FHIT: variants seen among roughly 807,000 people sequenced by gnomAD.
FHIT encodes bis(5'-adenosyl)-triphosphatase.
FHIT carries 19 observed loss-of-function variants against 17.9 expected under a neutral mutation model. The ratio of observed to expected loss-of-function variants is 1.06; its 90% confidence interval spans 0.74 to 1.56. The LOEUF (loss-of-function observed/expected upper bound fraction) is 1.56. FHIT is among the 40% of genes most tolerant of loss of function. FHIT has a pLI of 0.00. For missense variants in FHIT, 248 were observed against 189.2 expected (o/e 1.31, Z -1.82); for synonymous variants, 81 against 69.7 (o/e 1.16, Z -0.81).
chr3:60,198,095 G>A (rs528853195), intron 5 of FHIT, among the ~76,000 whole-genome samples: 13 of 150,862 alleles, frequency 8.6e-5, no homozygotes, highest in Middle Eastern at 3.4e-3. Flanking sequence ...ATTGAGGAAC[G>A]TTTGGATGAC....
At chr3:60,584,216 C>A (rs916449832) in intron 4 of FHIT, among the ~76,000 whole-genome samples, 16 of 152,006 alleles carry the variant, frequency 1.1e-4, no homozygotes, top group African/African-American at 3.9e-4. Context: ...AGTTGATAAC[C>A]TGAAATTGGC....
chr3:60,403,733 A>AT (rs1175732172), intron 5 of FHIT, among the ~76,000 whole-genome samples: 6 of 152,064 alleles, frequency 3.9e-5, no homozygotes, highest in East Asian at 1.9e-4. Flanking sequence ...ATTAGATCAC[A>AT]TTTTTTGTCC....
intron 4 of FHIT, among the ~76,000 whole-genome samples, chr3:60,752,921 T>G (rs1289772065): frequency 6.6e-6 from 1 of 152,206 alleles, no homozygotes; most frequent in African/African-American, 2.4e-5. Context: ...TCTCTAGGTA[T>G]CCCGTTAGGC....
chr3:60,186,683 T>C (rs552381696), intron 5 of FHIT, among the ~76,000 whole-genome samples: 1 of 152,244 alleles, frequency 6.6e-6, no homozygotes, highest in East Asian at 1.9e-4. Flanking sequence ...TCATTAGCTC[T>C]AGTAACAAGG....
chr3:60,097,150 C>G (rs540939214), intron 5 of FHIT, among the ~76,000 whole-genome samples: 1 of 151,930 alleles, frequency 6.6e-6, no homozygotes, highest in Admixed American at 6.6e-5. Flanking sequence ...TTGGCCAGCA[C>G]CCCCAAATTT....
At chr3:60,389,346 T>A (rs574484229) in intron 5 of FHIT, among the ~76,000 whole-genome samples, 18 of 152,310 alleles carry the variant, frequency 1.2e-4, no homozygotes, top group African/African-American at 4.3e-4. Flanking sequence ...ACGGTGCCTT[T>A]GAACACTAAC....
intron 4 of FHIT, among the ~76,000 whole-genome samples, chr3:60,638,516 A>C (rs577143050): frequency 6.6e-6 from 1 of 152,254 alleles, no homozygotes; most frequent in South Asian, 2.1e-4. Flanking sequence ...TCACTTGGGG[A>C]ACTCTTAAAA....
chr3:60,388,459 G>C (rs9868816), intron 5 of FHIT, among the ~76,000 whole-genome samples: 45,084 of 151,872 alleles, frequency 0.3, 7,580 homozygotes, highest in Non-Finnish European at 0.38. Flanking sequence ...ACAATTAGCA[G>C]GGCCTGGTGG....
intron 5 of FHIT, among the ~76,000 whole-genome samples, chr3:60,426,290 T>C (rs1160789908): frequency 6.6e-6 from 1 of 152,112 alleles, no homozygotes; most frequent in African/African-American, 2.4e-5. Flanking sequence ...AAGTATTAAA[T>C]GGGCAAAATA....
rs1429878406 is a variant in FHIT, at chr3:60,860,718, T to C, written c.-110-38707A>G. Among the ~76,000 whole-genome samples, 3 of 108,910 alleles carry C rather than the reference T, an allele frequency of 2.8e-5. 1 individual carries two copies. The highest frequency in any genetic ancestry group is 9.8e-5 in the African/African-American group (3 of 30,690). The allele number at this position is 108,910 out of a possible 152,430, so 71.4% of individuals were successfully genotyped here. Reference sequence around the variant, plus strand: ...ATATATGTACATATGTACATATATATCAGGTATATATGTACATATGTTCAT... The same window carrying C: ...ATATATGTACATATGTACATATATACCAGGTATATATGTACATATGTTCAT... On this transcript the variant is annotated intron_variant, in intron 3 of 9. Transcript: ENST00000492590.
At chr3:60,981,380 C>T (rs1250649259) in intron 3 of FHIT, among the ~76,000 whole-genome samples, 1 of 148,724 alleles carries the variant, frequency 6.7e-6, no homozygotes, top group African/African-American at 2.5e-5. Flanking sequence ...TCTTAGCTCA[C>T]TGCAATCTCC....
intron 5 of FHIT, among the ~76,000 whole-genome samples, chr3:60,449,249 G>A (rs73098257): frequency 0.022 from 3,295 of 152,148 alleles, 51 homozygotes; most frequent in Non-Finnish European, 0.034. Context: ...CCAGTGCCCC[G>A]GTCTGTATGC....
At chr3:59,975,178 A>G (rs532896752) in intron 7 of FHIT, among the ~76,000 whole-genome samples, 2 of 152,166 alleles carry the variant, frequency 1.3e-5, no homozygotes, top group Non-Finnish European at 2.9e-5. Context: ...CAAATGAATG[A>G]GATTCTTGGC....
chr3:60,623,487 C>G (rs1260841333), intron 4 of FHIT, among the ~76,000 whole-genome samples: 2 of 152,132 alleles, frequency 1.3e-5, no homozygotes, highest in African/African-American at 4.8e-5. Context: ...AAAACATGTT[C>G]ATTTTTTTCT....
intron 2 of FHIT, among the ~76,000 whole-genome samples, chr3:61,071,896 A>G (rs548246055): frequency 1.6e-4 from 25 of 152,204 alleles, no homozygotes; most frequent in Non-Finnish European, 3.2e-4. Flanking sequence ...AATAGTCTCA[A>G]TGCAAATGTT....
intron 4 of FHIT, among the ~76,000 whole-genome samples, chr3:60,689,878 T>C (rs2107882447): frequency 6.6e-6 from 1 of 152,320 alleles, no homozygotes; most frequent in South Asian, 2.1e-4. Context: ...ATTTTCTCTT[T>C]CAAAAGCATA....
intron 4 of FHIT, among the ~76,000 whole-genome samples, chr3:60,613,013 A>G (rs1358200219): frequency 6.6e-6 from 1 of 152,180 alleles, no homozygotes; most frequent in Non-Finnish European, 1.5e-5. Flanking sequence ...CAAGAATGTC[A>G]CAGTGTCATT....
At chr3:61,208,924 A>C (rs900837794) in intron 1 of FHIT, among the ~76,000 whole-genome samples, 19 of 151,828 alleles carry the variant, frequency 1.3e-4, no homozygotes, top group South Asian at 1.0e-3. Context: ...ATGGTCTTTA[A>C]AATTTGGCAT....
At chr3:60,123,452 T>C (rs1361576624) in intron 5 of FHIT, among the ~76,000 whole-genome samples, 1 of 152,154 alleles carries the variant, frequency 6.6e-6, no homozygotes, top group Non-Finnish European at 1.5e-5. Flanking sequence ...AGAGACTGAG[T>C]AACCTCAATA....
Sources: allele counts gnomAD v4.1 joint callset (sites outside exome capture counted in the v4.1 genomes callset), GRCh38; gene constraint gnomAD v4.1.1; transcripts MANE v1.5; gene names NCBI Gene and HGNC (gene_info 2026-07-23, HGNC 2026-07-21).